Variants in MAP3K7 observed in about 807,000 individuals in gnomAD.
MAP3K7 encodes mitogen-activated protein kinase kinase kinase 7.
MAP3K7 carries 21 observed loss-of-function variants against 84.8 expected under a neutral mutation model. That is an observed-to-expected ratio of 0.25 (90% CI 0.18 to 0.36). The LOEUF is 0.36. Ranked by LOEUF, MAP3K7 falls within the 10% of genes least tolerant of loss-of-function variation. The pLI is 1.00. For synonymous variants in MAP3K7, 241 were observed against 247.7 expected, an observed-to-expected ratio of 0.97 and a Z score of 0.25; for missense variants, 503 against 747.7, an observed-to-expected ratio of 0.67 and a Z score of 3.82.
chr6:90,519,175 C>T (rs1217442036), intron 15 of MAP3K7, 83 bp downstream of exon 15: 2 of 855,324 alleles, frequency 2.3e-6, no homozygotes, highest in Non-Finnish European at 3.8e-6. Context: ...AGTGACTATA[C>T]AATGACAGGT....
intron 10 of MAP3K7, 124 bp downstream of exon 10, chr6:90,547,923 T>C (rs2127972031): frequency 1.3e-6 from 1 of 750,998 alleles, no homozygotes; most frequent in Non-Finnish European, 2.0e-6. Context: ...TAAGCTCTTT[T>C]GCATGTTTCA....
intron 1 of MAP3K7, among the ~76,000 whole-genome samples, chr6:90,586,378 CAAAAAAAAA>C (rs71027942): frequency 2.5e-5 from 2 of 78,578 alleles, no homozygotes; most frequent in African/African-American, 1.0e-4. Context: ...GACTCCGTCT[CAAAAAAAAA>C]AAAAAAAAAA....
At chr6:90,544,425 T>C (rs980733345) in intron 12 of MAP3K7, 127 bp downstream of exon 12, 1 of 755,574 alleles carries the variant, frequency 1.3e-6, no homozygotes. Flanking sequence ...TCTGTCTCCC[T>C]AATTACTGCA....
intron 7 of MAP3K7, 58 bp downstream of exon 7, chr6:90,553,400 T>C (rs1288288288): frequency 2.7e-6 from 4 of 1,480,328 alleles, no homozygotes; most frequent in Non-Finnish European, 2.8e-6. Context: ...GGGACAGGAG[T>C]AGTCTTCCAA....
chr6:90,558,963 G>A (rs1265618340), intron 5 of MAP3K7, among the ~76,000 whole-genome samples: 5 of 152,134 alleles, frequency 3.3e-5, no homozygotes, highest in African/African-American at 7.2e-5. Context: ...TGCTGGTTAA[G>A]AGCTGTGATT....
rs1774930831 is a variant in MAP3K7 at position 90,515,558 on chromosome 6, G to T, written c.*943C>A. 1.3e-5 allele frequency: 1 copy of T among 79,882 alleles called. No homozygotes were observed. The highest frequency in any genetic ancestry group is 3.8e-4 in the South Asian group (1 of 2,616). 4.9% of individuals were successfully genotyped at this position (79,882 alleles called of 1,614,324 possible). On this transcript the variant is annotated 3_prime_UTR_variant, in exon 17 of 17. Coordinates refer to ENST00000369329, the MANE Select transcript of MAP3K7 (RefSeq NM_145331.3). ...TATTTCTCATTTGGTATCATAAAAA[G>T]AAATCTAAGTCCAAGCTTTTTTTAG...
chr6:90,548,286 A>ATAT, intron 9 of MAP3K7, 109 bp from the exon 10 acceptor site: 1 of 917,218 alleles, frequency 1.1e-6, no homozygotes, highest in Non-Finnish European at 1.6e-6. Context: ...AGGAACAGAA[A>ATAT]TAAAATAAGA....
At chr6:90,561,582 T>C (rs1776516215) in intron 4 of MAP3K7, 40 bp downstream of exon 4, 1 of 1,486,874 alleles carries the variant, frequency 6.7e-7, no homozygotes, top group Non-Finnish European at 9.3e-7. Flanking sequence ...TTTCAAATTA[T>C]TTTAATCCAC....
At chr6:90,550,318 G>A (rs547410896) in intron 9 of MAP3K7, 150 bp downstream of exon 9, 34 of 514,200 alleles carry the variant, frequency 6.6e-5, no homozygotes, top group African/African-American at 3.5e-4. Flanking sequence ...GAAGAATGAC[G>A]CACCTGTAAA....
intron 12 of MAP3K7, chr6:90,537,054 C>CTATGTTTA (rs895781875): frequency 6.6e-6 from 1 of 151,962 alleles, no homozygotes; most frequent in African/African-American, 2.4e-5. Flanking sequence ...TTAGAAACTT[C>CTATGTTTA]TATGTTTATA....
At chr6:90,538,623 C>T (rs1775752615) in intron 12 of MAP3K7, among the ~76,000 whole-genome samples, 1 of 151,822 alleles carries the variant, frequency 6.6e-6, no homozygotes, top group South Asian at 2.1e-4. Flanking sequence ...ATCACATTGC[C>T]AGTGCATACT....
chr6:90,583,065 T>G (rs1207149571), intron 1 of MAP3K7, among the ~76,000 whole-genome samples: 1 of 152,054 alleles, frequency 6.6e-6, no homozygotes, highest in Non-Finnish European at 1.5e-5. Flanking sequence ...GTACTTTCAG[T>G]AGTGACGGGG....
intron 15 of MAP3K7, 108 bp from the exon 16 acceptor site, chr6:90,518,670 T>C (rs150320486): frequency 1.2e-4 from 79 of 660,070 alleles, no homozygotes; most frequent in African/African-American, 1.1e-3. Context: ...ACTAAAGCAA[T>C]GATCTTTTAA....
Position 90,553,598 on chromosome 6 carries a change from A to G in MAP3K7, c.608-12T>C, listed in dbSNP as rs759433428. 3.1e-6 allele frequency: 5 copies of G among 1,595,604 alleles called. No homozygotes were observed. The highest frequency in any genetic ancestry group is 4.3e-6 in the Non-Finnish European group (5 of 1,174,510). ...ACTGTAATTACTACCTAGAAAAAAA[A>G]AAGGTAGTATATAACCTAAAGACTA... On this transcript the variant is annotated splice_polypyrimidine_tract_variant and intron_variant, in intron 6 of 16. Transcript: ENST00000369329.
intron 13 of MAP3K7, among the ~76,000 whole-genome samples, chr6:90,526,560 T>G (rs866207347): frequency 3.1e-4 from 47 of 152,082 alleles, no homozygotes; most frequent in Middle Eastern, 3.4e-3. Flanking sequence ...TAAGAGCATT[T>G]AAAGGAAAAT....
intron 7 of MAP3K7, 61 bp downstream of exon 7, chr6:90,553,397 G>C: frequency 6.9e-7 from 1 of 1,455,148 alleles, no homozygotes; most frequent in East Asian, 2.3e-5. Flanking sequence ...AAGGGGACAG[G>C]AGTAGTCTTC....
At chr6:90,561,715 T>C in intron 3 of MAP3K7, 48 bp from the exon 4 acceptor site, 1 of 1,307,134 alleles carries the variant, frequency 7.7e-7, no homozygotes. Flanking sequence ...CTCCATCATC[T>C]TAGGGCCTTT....
At chr6:90,529,734 T>C (rs79585388) in intron 13 of MAP3K7, among the ~76,000 whole-genome samples, 2,563 of 152,326 alleles carry the variant, frequency 0.017, 81 homozygotes, top group African/African-American at 0.057. Flanking sequence ...CAGTTCCTAC[T>C]TCAACTTGTG....
In MAP3K7 at chr6:90,587,037, G is replaced by A. The variant is rs1338113829; in HGVS notation, c.-154C>T. The A allele has an allele frequency of 3.0e-5, 26 of 870,326 alleles. No homozygotes were observed. The highest frequency in any genetic ancestry group is 7.4e-4 in the Middle Eastern group (2 of 2,704). 53.9% of individuals were successfully genotyped at this position (870,326 alleles called of 1,614,324 possible). A position where few individuals can be genotyped will look rare whatever the true frequency, so the allele number is the denominator to read the frequency against. On this transcript the variant is annotated 5_prime_UTR_variant, in exon 1 of 17. Coordinates refer to ENST00000369329, the MANE Select transcript of MAP3K7 (RefSeq NM_145331.3). ...GGCGGGGGTAGAGGCAGCGGCCACA[G>A]CCGTGTCCGGCTCTGGCTCCGCTGC...
Sources: allele counts gnomAD v4.1 joint callset (sites outside exome capture counted in the v4.1 genomes callset), GRCh38; gene constraint gnomAD v4.1.1; transcripts MANE v1.5; gene names NCBI Gene and HGNC (gene_info 2026-07-23, HGNC 2026-07-21).